The following NEB variants were observed in gnomAD, a reference collection of about 807,000 sequenced individuals.
NEB encodes the protein nebulin, also known as nemaline myopathy type 2.
NEB carries 512 observed loss-of-function variants against 952.2 expected under a neutral mutation model. That is an observed-to-expected ratio of 0.54 (90% CI 0.50 to 0.58). NEB has a LOEUF of 0.58. Ranked by LOEUF, NEB falls within the 20% of genes least tolerant of loss-of-function variation. The probability of loss-of-function intolerance (pLI) is 0.00; values close to 1 mark genes in which losing one functional copy is unlikely to be tolerated. For missense variants in NEB, 8,428 were observed against 9,231.1 expected (o/e 0.91, Z 3.56); for synonymous variants, 2,900 against 3,149.8 (o/e 0.92, Z 2.66).
intron 107 of NEB, among the ~76,000 whole-genome samples, chr2:151,573,878 TTC>T (rs1315219939): frequency 1.3e-5 from 2 of 152,168 alleles, no homozygotes; most frequent in Non-Finnish European, 2.9e-5. Flanking sequence ...CCTCAGTTGA[TTC>T]TCTTTTTTAA....
At chr2:151,642,970 A>G in intron 58 of NEB, 101 bp from the exon 59 acceptor site, 1 of 1,212,902 alleles carries the variant, frequency 8.2e-7, no homozygotes, top group South Asian at 1.5e-5. Context: ...AGCTCAGTGA[A>G]TCGGTATTTG....
chr2:151,636,027 C>T lies in NEB; in HGVS notation c.9102+200G>A, dbSNP rs190590883. On this transcript the variant is annotated intron_variant, in intron 64 of 181. Transcript: ENST00000397345. ...TTGGTTGACCAGTTTTCACAGAAGACGCTGTGTCCTGTAGGTTACAGATCC... is the reference window on the plus strand; with the variant it reads ...TTGGTTGACCAGTTTTCACAGAAGATGCTGTGTCCTGTAGGTTACAGATCC... Among the ~76,000 whole-genome samples, 219 of 152,298 alleles carry T rather than the reference C, an allele frequency of 1.4e-3. 1 individual carries two copies. The highest frequency in any genetic ancestry group is 3.3e-3 in the South Asian group (16 of 4,828).
chr2:151,536,785 C>T lies in NEB; in HGVS notation c.21207+347G>A, dbSNP rs111640101. Among the ~76,000 whole-genome samples, 890 of 152,216 alleles carry T rather than the reference C, an allele frequency of 5.8e-3. 9 individuals carry two copies. The highest frequency in any genetic ancestry group is 0.02 in the African/African-American group (816 of 41,528). Reference sequence around the variant, plus strand: ...TATAAAAACTAGGTGGTTTGCCCCACGTCATACATTATTTGTGGATTAAAA... The same window carrying T: ...TATAAAAACTAGGTGGTTTGCCCCATGTCATACATTATTTGTGGATTAAAA... On this transcript the variant is annotated intron_variant, in intron 141 of 181. Coordinates refer to ENST00000397345, the MANE Select transcript of NEB (RefSeq NM_001164508.2).
Position 151,724,275 on chromosome 2 carries a change from G to T in NEB, c.597C>A (p.Thr199=). The part of the protein sequence containing the change: ...APELVQAVKN[T]AMFSKKLYTE... ...AGACCCTTACCTTGCTGAACATGGC[G>T]GTGTTCTTAACGGCCTGGACAAGTT... The change falls in exon 8 of 182, where the codon ACC becomes ACA. Residue 199 remains threonine (T), a synonymous_variant. Transcript: ENST00000397345. 1 of 1,612,598 alleles carries T rather than the reference G, an allele frequency of 6.2e-7. No individual in the cohort carries two copies. Among genetic ancestry groups the T allele is most frequent in the Non-Finnish European group, 8.5e-7 (1 of 1,179,234 alleles).
At chr2:151,730,288 T>C (rs1200690884) in intron 3 of NEB, among the ~76,000 whole-genome samples, 1 of 151,914 alleles carries the variant, frequency 6.6e-6, no homozygotes, top group Non-Finnish European at 1.5e-5. Context: ...TGCCAAGTAA[T>C]GAAGGGGAAA....
chr2:151,490,194 G>T, intron 180 of NEB, 117 bp from the exon 181 acceptor site: 1 of 1,175,016 alleles, frequency 8.5e-7, no homozygotes, highest in East Asian at 2.4e-5. Context: ...TCCAAAAAGA[G>T]AAATCAAAGA....
chr2:151,577,913 G>T (rs377039628), intron 105 of NEB, among the ~76,000 whole-genome samples: 2 of 151,952 alleles, frequency 1.3e-5, no homozygotes, highest in South Asian at 2.1e-4. Context: ...TATTCACCAT[G>T]GTATCTTTAG....
In NEB at chr2:151,538,001, C is replaced by T. The variant is rs780803949; in HGVS notation, c.20998-25G>A. 8.8e-6 allele frequency: 14 copies of T among 1,589,248 alleles called. No individual in the cohort carries two copies. In the South Asian group the frequency reaches 1.2e-4, roughly 14 times the overall value. On this transcript the variant is annotated intron_variant, in intron 139 of 181. Coordinates refer to ENST00000397345, the MANE Select transcript of NEB (RefSeq NM_001164508.2). ...TCTGTTATAAAAAACACAAAGACAG[C>T]TGTAAGTCTTACCCAAAGTTAATGT...
intron 124 of NEB, among the ~76,000 whole-genome samples, chr2:151,558,620 G>C (rs1405719878): frequency 6.6e-6 from 1 of 152,154 alleles, no homozygotes; most frequent in African/African-American, 2.4e-5. Flanking sequence ...CAATGGAACA[G>C]AACAGAGGCC....
intron 127 of NEB, 28 bp downstream of exon 127, chr2:151,553,370 A>G: frequency 6.6e-7 from 1 of 1,511,126 alleles, no homozygotes; most frequent in Non-Finnish European, 9.2e-7. Context: ...ATGGAAATAT[A>G]CTAAAGAACA....
chr2:151,641,834 T>G (rs1209404381), intron 60 of NEB, among the ~76,000 whole-genome samples: 2 of 152,228 alleles, frequency 1.3e-5, no homozygotes, highest in Non-Finnish European at 2.9e-5. Context: ...TTTATTATAC[T>G]TTAAGTTCTA....
At position 151,497,667 on chromosome 2, in the gene NEB, C is replaced by T. The variant is rs1330007425; in HGVS notation, c.24259G>A (p.Glu8087Lys). The T allele has an allele frequency of 3.2e-6, 5 of 1,585,990 alleles. No homozygotes were observed. The highest frequency in any genetic ancestry group is 1.3e-5 in the African/African-American group (1 of 74,524). ...TGATTGTGTTTGACTCTTTCCATCT[C>T]GGGAGTGACAGGTAAAGGGGTTCCC... Reference protein sequence around the residue: ...GKGTPLPVTPEMERVKHNQEN... With the variant: ...GKGTPLPVTPKMERVKHNQEN... Residue 8087 changes from glutamate (E) to lysine (K), a missense_variant, in exon 171 of 182, where the codon GAG becomes AAG. Coordinates refer to ENST00000397345, the MANE Select transcript of NEB (RefSeq NM_001164508.2).
At chr2:151,528,820 A>G (rs117526319) in intron 146 of NEB, among the ~76,000 whole-genome samples, 1 of 152,348 alleles carries the variant, frequency 6.6e-6, no homozygotes, top group East Asian at 1.9e-4. Context: ...AAATGGCTCA[A>G]TGTTTTCTTC....
Position 151,653,993 on chromosome 2 carries a change from T to A in NEB, c.6914A>T (p.Asp2305Val). Residue 2305 changes from aspartate (D) to valine (V), a missense_variant and splice_region_variant, in exon 52 of 182, where the codon GAT becomes GTT. Physicochemically the swap from Asp to Val is radical, Grantham distance 152. Around this residue, in one of 11 missense-constraint regions of NEB, gnomAD observed 2,851 missense variants for 2,791.5 expected, o/e 1.02. Transcript: ENST00000397345. The part of the protein sequence containing the change: ...LAKASRDIAS[D>V]YKYKQGYRKQ... ...TATAGAACTCAAACTAGTACTCACATCACTAGCAATGTCTCTTGAAGCTTT... is the reference window on the plus strand; with the variant it reads ...TATAGAACTCAAACTAGTACTCACAACACTAGCAATGTCTCTTGAAGCTTT... 3 of 1,602,678 alleles carry A rather than the reference T, an allele frequency of 1.9e-6. No individual in the cohort carries two copies. The Admixed American group carries it at 5.0e-5, about 27-fold the overall frequency.
intron 54 of NEB, among the ~76,000 whole-genome samples, chr2:151,646,806 T>A (rs925394232): frequency 3.9e-5 from 6 of 152,142 alleles, no homozygotes; most frequent in Non-Finnish European, 5.9e-5. Context: ...TGTGCCACCA[T>A]ACCCGGCTAA....
intron 124 of NEB, among the ~76,000 whole-genome samples, chr2:151,558,983 T>C (rs1475462231): frequency 6.6e-6 from 1 of 152,140 alleles, no homozygotes; most frequent in Admixed American, 6.5e-5. Flanking sequence ...CAAAAGAAAC[T>C]ACTATCAGAG....
At chr2:151,696,596 T>C (rs759240456) in intron 17 of NEB, 41 bp downstream of exon 17, 21 of 1,406,880 alleles carry the variant, frequency 1.5e-5, no homozygotes, top group Non-Finnish European at 2.1e-5. Flanking sequence ...TGAAATGTTA[T>C]CCCTCATAAT....
At chr2:151,722,187 A>G (rs1474116513) in intron 9 of NEB, among the ~76,000 whole-genome samples, 1 of 152,222 alleles carries the variant, frequency 6.6e-6, no homozygotes, top group Non-Finnish European at 1.5e-5. Context: ...TTGAATGTCA[A>G]ATAACTTGTC....
chr2:151,513,485 A>C, intron 160 of NEB, 95 bp downstream of exon 160: 1 of 866,064 alleles, frequency 1.2e-6, no homozygotes, highest in Admixed American at 2.4e-5. Flanking sequence ...TATGCATGTG[A>C]CTGTCACCAA....
Sources: gnomAD v4.1 joint callset for allele counts (sites outside exome capture counted in the v4.1 genomes callset) on GRCh38, gnomAD v4.1.1 for gene constraint, gnomAD v4.1.1 regional missense constraint, MANE v1.5 for transcripts, NCBI Gene and HGNC (gene_info 2026-07-23, HGNC 2026-07-21) for gene names.